The following B3GLCT variants were observed in gnomAD, a reference collection of about 807,000 sequenced individuals.
B3GLCT encodes the protein beta 3-glucosyltransferase.
Under a neutral mutation model 63.4 loss-of-function variants are expected in B3GLCT, and 65 were observed. The ratio of observed to expected loss-of-function variants is 1.03; its 90% confidence interval spans 0.84 to 1.26. The LOEUF is 1.26. Among genes scored for constraint, B3GLCT ranks in the 50% most tolerant of loss-of-function variants. The pLI is 0.00. For synonymous variants in B3GLCT, 233 were observed against 219.2 expected, an observed-to-expected ratio of 1.06 and a Z score of -0.55; for missense variants, 577 against 604.8, an observed-to-expected ratio of 0.95 and a Z score of 0.48.
At chr13:31,326,078 T>G (rs1875588627) in intron 14 of B3GLCT, among the ~76,000 whole-genome samples, 1 of 152,168 alleles carries the variant, frequency 6.6e-6, no homozygotes, top group Admixed American at 6.5e-5. Context: ...TGCTCAACTC[T>G]GGAAATTTCC....
intron 14 of B3GLCT, among the ~76,000 whole-genome samples, chr13:31,326,401 A>G (rs1295633509): frequency 2.1e-5 from 3 of 146,302 alleles, no homozygotes; most frequent in Non-Finnish European, 4.5e-5. Context: ...CTCCTGCCTC[A>G]GCCTCCCAAG....
At chr13:31,216,673 C>T (rs1484791990) in intron 2 of B3GLCT, among the ~76,000 whole-genome samples, 1 of 152,206 alleles carries the variant, frequency 6.6e-6, no homozygotes, top group Admixed American at 6.5e-5. Context: ...CTGTGTTTAG[C>T]TCCCACTTAT....
chr13:31,322,735 A>G (rs1365025281), intron 13 of B3GLCT, among the ~76,000 whole-genome samples: 5 of 152,216 alleles, frequency 3.3e-5, no homozygotes, highest in Non-Finnish European at 7.3e-5. Flanking sequence ...GATCAAAAAA[A>G]TGAAAGTCTT....
At chr13:31,273,881 T>C (rs1872670882) in intron 8 of B3GLCT, among the ~76,000 whole-genome samples, 1 of 152,214 alleles carries the variant, frequency 6.6e-6, no homozygotes, top group Non-Finnish European at 1.5e-5. Flanking sequence ...AGACCCATGG[T>C]CCTAGCTTTA....
At chr13:31,266,303 C>T (rs994285757) in intron 7 of B3GLCT, among the ~76,000 whole-genome samples, 50 of 152,184 alleles carry the variant, frequency 3.3e-4, no homozygotes, top group Non-Finnish European at 1.3e-4. Flanking sequence ...ACTGGGATTA[C>T]AGGCATGAGC....
At chr13:31,267,803 G>T (rs1226529166) in intron 7 of B3GLCT, among the ~76,000 whole-genome samples, 2 of 151,858 alleles carry the variant, frequency 1.3e-5, no homozygotes, top group African/African-American at 4.8e-5. Flanking sequence ...GAAAAAAATG[G>T]AAACTTACTA....
chr13:31,226,390 T>G (rs921845707), intron 3 of B3GLCT, among the ~76,000 whole-genome samples: 5 of 152,192 alleles, frequency 3.3e-5, no homozygotes, highest in African/African-American at 7.2e-5. Context: ...GCATGATTTC[T>G]TAGTGGCTAT....
Position 31,223,025 on chromosome 13 carries a change from A to T in B3GLCT, c.160+34A>T, listed in dbSNP as rs773883651. 58 of 1,278,600 alleles carry T rather than the reference A, an allele frequency of 4.5e-5. 1 individual carries two copies. In the South Asian group the frequency reaches 6.7e-4, roughly 15 times the overall value. 79.2% of individuals were successfully genotyped at this position (1,278,600 alleles called of 1,614,324 possible). A position where few individuals can be genotyped will look rare whatever the true frequency, so the allele number is the denominator to read the frequency against. Reference sequence around the variant, plus strand: ...TGATTTTTTTTACCTAAGAGTGTGTACTTAGGTATATTTTGTATGAATTAT... The same window carrying T: ...TGATTTTTTTTACCTAAGAGTGTGTTCTTAGGTATATTTTGTATGAATTAT... On this transcript the variant is annotated intron_variant, in intron 3 of 14. Transcript: ENST00000343307.
chr13:31,228,065 T>C (rs547043776), intron 3 of B3GLCT, among the ~76,000 whole-genome samples: 1 of 152,364 alleles, frequency 6.6e-6, no homozygotes, highest in East Asian at 1.9e-4. Context: ...GGGCAGGACA[T>C]ACTCGGGTTT....
At chr13:31,313,356 G>A (rs878958945) in intron 12 of B3GLCT, among the ~76,000 whole-genome samples, 6 of 152,318 alleles carry the variant, frequency 3.9e-5, no homozygotes, top group Admixed American at 3.9e-4. Context: ...TTGTTGAATG[G>A]CTTTGCCCAA....
chr13:31,229,297 A>G lies in B3GLCT; in HGVS notation c.270+3A>G, dbSNP rs1401368727. The stretch of plus-strand genomic sequence containing the variant: ...AGCAGGCTGCAGATCTTACACAGGT[A>G]CGTAGCGATGGCTGGGGGGTCTGCC... On this transcript the variant is annotated splice_donor_region_variant and intron_variant, in intron 4 of 14. Coordinates refer to ENST00000343307, the MANE Select transcript of B3GLCT (RefSeq NM_194318.4). 1.3e-6 allele frequency: 2 copies of G among 1,550,634 alleles called. No individual in the cohort carries two copies. Among genetic ancestry groups the G allele is most frequent in the Non-Finnish European group, 1.8e-6 (2 of 1,121,958 alleles).
At chr13:31,326,713 G>A (rs928820311) in intron 14 of B3GLCT, among the ~76,000 whole-genome samples, 1 of 152,008 alleles carries the variant, frequency 6.6e-6, no homozygotes, top group Non-Finnish European at 1.5e-5. Flanking sequence ...GACATTTTGG[G>A]CACAGAGATA....
rs1335316308 is a variant in B3GLCT at position 31,330,963 on chromosome 13, TTGAC to T, written c.*1297_*1300del. Reference sequence around the variant, plus strand: ...TAATATGTTTTTCTTGTAGCATAGATTGACTATTTGCAATAGTATTAGTATTTAC... The same window carrying T: ...TAATATGTTTTTCTTGTAGCATAGATTATTTGCAATAGTATTAGTATTTAC... On this transcript the variant is annotated 3_prime_UTR_variant, in exon 15 of 15. Transcript: ENST00000343307. The T allele has an allele frequency of 6.6e-6, 1 of 152,196 alleles. No individual in the cohort carries two copies. Among genetic ancestry groups the T allele is most frequent in the Non-Finnish European group, 1.5e-5 (1 of 68,034 alleles). The allele number at this position is 152,196 out of a possible 1,614,324, so 9.4% of individuals were successfully genotyped here.
chr13:31,287,430 A>G (rs1485842902), intron 12 of B3GLCT, among the ~76,000 whole-genome samples: 4 of 152,288 alleles, frequency 2.6e-5, no homozygotes, highest in Admixed American at 2.0e-4. Context: ...TCTTGCCTCA[A>G]TAGGGGGGAT....
At chr13:31,263,363 A>T (rs1272353961) in intron 7 of B3GLCT, among the ~76,000 whole-genome samples, 3 of 152,166 alleles carry the variant, frequency 2.0e-5, no homozygotes, top group Admixed American at 6.5e-5. Flanking sequence ...GTGCAGGTTG[A>T]TGGAAGTGAT....
intron 10 of B3GLCT, among the ~76,000 whole-genome samples, chr13:31,279,776 C>T (rs1035048751): frequency 1.6e-4 from 24 of 152,136 alleles, no homozygotes; most frequent in South Asian, 6.2e-4. Flanking sequence ...AACCTGGGAG[C>T]GCTACGGGAG....
In B3GLCT at chr13:31,329,488, AT is replaced by A; in HGVS notation, c.1330-8del. 2.5e-6 allele frequency: 4 copies of A among 1,614,042 alleles called. No individual in the cohort carries two copies. Among genetic ancestry groups the A allele is most frequent in the African/African-American group, 1.3e-5 (1 of 74,994 alleles). ...AATCAACAAGGAAGCCTAACTCTCTATTTTTCCTGCAGGCTCGGCCGGTGGA... is the reference window on the plus strand; with the variant it reads ...AATCAACAAGGAAGCCTAACTCTCTATTTTCCTGCAGGCTCGGCCGGTGGA... On this transcript the variant is annotated splice_polypyrimidine_tract_variant and intron_variant, in intron 14 of 14. Transcript: ENST00000343307.
chr13:31,219,595 C>T (rs1869722955), intron 2 of B3GLCT, among the ~76,000 whole-genome samples: 1 of 152,158 alleles, frequency 6.6e-6, no homozygotes, highest in Admixed American at 6.5e-5. Flanking sequence ...CACCACTAGC[C>T]AGTTGTGGGG....
At chr13:31,257,497 A>G (rs1164646577) in intron 6 of B3GLCT, among the ~76,000 whole-genome samples, 1 of 152,088 alleles carries the variant, frequency 6.6e-6, no homozygotes, top group African/African-American at 2.4e-5. Flanking sequence ...AAGTCATCAT[A>G]TGGATCTGTG....
Sources: gnomAD v4.1 joint callset for allele counts (sites outside exome capture counted in the v4.1 genomes callset) on GRCh38, gnomAD v4.1.1 for gene constraint, MANE v1.5 for transcripts, NCBI Gene and HGNC (gene_info 2026-07-23, HGNC 2026-07-21) for gene names.